Variants in STPG2 observed in about 807,000 individuals in gnomAD.
The protein encoded by STPG2 is sperm tail PG-rich repeat containing 2.
A neutral mutation model predicts 54.2 loss-of-function variants in STPG2; 56 were observed. The observed-to-expected ratio is 1.03, with a 90% confidence interval of 0.83 to 1.29. The LOEUF (loss-of-function observed/expected upper bound fraction) is 1.29. STPG2 is among the 50% of genes most tolerant of loss of function. STPG2 has a pLI of 0.00. For missense variants in STPG2, 596 were observed against 544.9 expected (o/e 1.09, Z -0.93); for synonymous variants, 200 against 181.8 (o/e 1.10, Z -0.81).
intron 4 of STPG2, among the ~76,000 whole-genome samples, chr4:97,542,341 T>C (rs537680257): frequency 6.6e-6 from 1 of 152,152 alleles, no homozygotes; most frequent in Non-Finnish European, 1.5e-5. Flanking sequence ...AAGAAGACAT[T>C]TATGCAGCCA....
chr4:97,524,304 G>A (rs542344022), intron 4 of STPG2, among the ~76,000 whole-genome samples: 1 of 152,026 alleles, frequency 6.6e-6, no homozygotes. Flanking sequence ...TATCACTACA[G>A]TTATGCCAGA....
chr4:97,979,210 A>G (rs1395010244), intron 6 of STPG2, among the ~76,000 whole-genome samples: 1 of 152,216 alleles, frequency 6.6e-6, no homozygotes, highest in Admixed American at 6.5e-5. Context: ...TGATAGAAGC[A>G]GGCTGAGAAA....
intron 4 of STPG2, among the ~76,000 whole-genome samples, chr4:97,550,657 G>T (rs184495857): frequency 1.3e-5 from 2 of 152,280 alleles, no homozygotes; most frequent in East Asian, 3.9e-4. Flanking sequence ...CTTCAAGAAT[G>T]AAGCTGCGGA....
chr4:97,826,534 GTAAAAGGTTA>G (rs2149108565), intron 9 of STPG2, among the ~76,000 whole-genome samples: 1 of 152,246 alleles, frequency 6.6e-6, no homozygotes, highest in East Asian at 1.9e-4. Context: ...TAAAAAAATT[GTAAAAGGTTA>G]TAAAAGGTTT....
chr4:97,793,402 C>CAG (rs58183995), intron 9 of STPG2, among the ~76,000 whole-genome samples: 75 of 148,348 alleles, frequency 5.1e-4, no homozygotes, highest in African/African-American at 1.7e-3. Flanking sequence ...CACACACACA[C>CAG]AGAGAAATAG....
intron 4 of STPG2, among the ~76,000 whole-genome samples, chr4:97,549,638 A>C (rs1480072875): frequency 1.3e-5 from 2 of 152,226 alleles, no homozygotes; most frequent in Non-Finnish European, 2.9e-5. Context: ...ACGCTTGATT[A>C]GGGTGGCCCC....
chr4:97,995,937 A>G (rs2149272399), intron 5 of STPG2, among the ~76,000 whole-genome samples: 1 of 152,316 alleles, frequency 6.6e-6, no homozygotes, highest in East Asian at 1.9e-4. Flanking sequence ...CAAATCAGAG[A>G]TGACACAAAC....
chr4:97,497,230 A>G (rs1316871485), intron 4 of STPG2, among the ~76,000 whole-genome samples: 1 of 151,848 alleles, frequency 6.6e-6, no homozygotes, highest in East Asian at 1.9e-4. Context: ...AAGAAAAGCT[A>G]GAAAATAATT....
chr4:97,987,775 A>G (rs192527105), intron 5 of STPG2, among the ~76,000 whole-genome samples: 1 of 152,104 alleles, frequency 6.6e-6, no homozygotes, highest in Admixed American at 6.6e-5. Context: ...ATATTTCCAA[A>G]TCCAACCACT....
intron 9 of STPG2, among the ~76,000 whole-genome samples, chr4:97,789,954 G>C (rs779613284): frequency 6.6e-6 from 1 of 152,076 alleles, no homozygotes; most frequent in Non-Finnish European, 1.5e-5. Context: ...GATCATTAAA[G>C]AAATAACTGA....
At chr4:97,557,883 C>G (rs1411670103), downstream of STPG2, among the ~76,000 whole-genome samples, 1 of 152,056 alleles carries the variant, frequency 6.6e-6, no homozygotes, top group Non-Finnish European at 1.5e-5. Flanking sequence ...GAATAAGGAT[C>G]CTGAAGTAAG....
At position 97,950,398 on chromosome 4, in the gene STPG2, C is replaced by T. The variant is rs193066707; in HGVS notation, c.934-6391G>A. Reference sequence around the variant, plus strand: ...TTGTTCTAGCCTATTGTTAAAACCTCTACCACATTTTGTAATTCCCTAAAT... The same window carrying T: ...TTGTTCTAGCCTATTGTTAAAACCTTTACCACATTTTGTAATTCCCTAAAT... On this transcript the variant is annotated intron_variant, in intron 7 of 10. Coordinates refer to ENST00000295268, the MANE Select transcript of STPG2 (RefSeq NM_174952.3). Among the ~76,000 whole-genome samples the T allele has an allele frequency of 4.2e-3, 641 of 152,244 alleles. 3 individuals carry two copies. Among genetic ancestry groups the T allele is most frequent in the South Asian group, 0.024 (117 of 4,832 alleles).
At chr4:97,445,591 G>T (rs1168813085) in intron 4 of STPG2, among the ~76,000 whole-genome samples, 1 of 151,892 alleles carries the variant, frequency 6.6e-6, no homozygotes, top group Non-Finnish European at 1.5e-5. Flanking sequence ...TCAAAATCTG[G>T]TATTCATTTT....
intron 4 of STPG2, among the ~76,000 whole-genome samples, chr4:97,523,776 T>G (rs1731227509): frequency 6.6e-6 from 1 of 151,962 alleles, no homozygotes; most frequent in African/African-American, 2.4e-5. Flanking sequence ...TTATGGTAAT[T>G]CACAATTTAT....
intron 4 of STPG2, among the ~76,000 whole-genome samples, chr4:97,470,071 T>C (rs1263386504): frequency 1.3e-5 from 2 of 152,144 alleles, no homozygotes. Context: ...TGATGAGCTA[T>C]GATTGTAGAT....
chr4:97,582,725 T>C (rs1732893069), intron 10 of STPG2, among the ~76,000 whole-genome samples: 1 of 152,072 alleles, frequency 6.6e-6, no homozygotes, highest in Non-Finnish European at 1.5e-5. Context: ...TCAACTGCTG[T>C]ATTTACTGAA....
At chr4:98,109,338 G>A in intron 3 of STPG2, 33 bp from the exon 4 acceptor site, 1 of 1,483,574 alleles carries the variant, frequency 6.7e-7, no homozygotes, top group Middle Eastern at 2.4e-4. Context: ...AAGTGAGGAT[G>A]AAACATAGTT....
At chr4:98,056,089 T>C (rs1350535171) in intron 5 of STPG2, among the ~76,000 whole-genome samples, 1 of 152,114 alleles carries the variant, frequency 6.6e-6, no homozygotes, top group Non-Finnish European at 1.5e-5. Flanking sequence ...CACCAGCACA[T>C]GTGAGTGAAG....
At chr4:98,023,840 A>G (rs783921) in intron 5 of STPG2, among the ~76,000 whole-genome samples, 69,667 of 151,954 alleles carry the variant, frequency 0.46, 16,243 homozygotes, top group Admixed American at 0.56. Context: ...AGCCATGTGC[A>G]GGATATAATC....
Sources: gnomAD v4.1 joint callset for allele counts (sites outside exome capture counted in the v4.1 genomes callset) on GRCh38, gnomAD v4.1.1 for gene constraint, MANE v1.5 for transcripts, NCBI Gene and HGNC (gene_info 2026-07-23, HGNC 2026-07-21) for gene names.